ARHGAP32: variants seen among roughly 807,000 people sequenced by gnomAD.
ARHGAP32 encodes Rho GTPase activating protein 32.
ARHGAP32 carries 51 observed loss-of-function variants against 186.5 expected under a neutral mutation model. That is an observed-to-expected ratio of 0.27 (90% CI 0.22 to 0.35). The LOEUF (loss-of-function observed/expected upper bound fraction) is 0.35, where lower values mean the gene tolerates loss of function less well. Among genes scored for constraint, ARHGAP32 ranks in the 10% least tolerant of loss-of-function variants. ARHGAP32 has a pLI of 1.00. For synonymous variants in ARHGAP32, 950 were observed against 964.3 expected, an observed-to-expected ratio of 0.99 and a Z score of 0.27; for missense variants, 2,186 against 2,623.5, an observed-to-expected ratio of 0.83 and a Z score of 3.64.
intron 11 of ARHGAP32, among the ~76,000 whole-genome samples, chr11:128,999,439 C>T (rs996689181): frequency 6.6e-6 from 1 of 152,136 alleles, no homozygotes; most frequent in African/African-American, 2.4e-5. Context: ...CTAATTTCGC[C>T]CTGGTCCTGT....
At chr11:129,133,074 CG>C (rs1445560163) in intron 2 of ARHGAP32, among the ~76,000 whole-genome samples, 2 of 151,896 alleles carry the variant, frequency 1.3e-5, no homozygotes, top group African/African-American at 4.8e-5. Flanking sequence ...ACAATCACAG[CG>C]GAAGGCAAAG....
intron 2 of ARHGAP32, among the ~76,000 whole-genome samples, chr11:129,129,675 A>T (rs979019011): frequency 3.3e-5 from 5 of 151,852 alleles, no homozygotes; most frequent in African/African-American, 7.3e-5. Flanking sequence ...AGACTCCAAA[A>T]ATATATATAT....
chr11:129,014,981 G>A (rs1938264155), intron 11 of ARHGAP32, among the ~76,000 whole-genome samples: 3 of 152,090 alleles, frequency 2.0e-5, no homozygotes, highest in Non-Finnish European at 4.4e-5. Context: ...TTTATTTAAA[G>A]CACGACAATA....
At chr11:129,163,298 G>A (rs1157909175) in intron 2 of ARHGAP32, among the ~76,000 whole-genome samples, 1 of 152,096 alleles carries the variant, frequency 6.6e-6, no homozygotes, top group East Asian at 1.9e-4. Context: ...CTTAACCACA[G>A]TTAAGTAAAA....
At chr11:129,089,012 A>G (rs2135254548) in intron 6 of ARHGAP32, among the ~76,000 whole-genome samples, 1 of 152,050 alleles carries the variant, frequency 6.6e-6, no homozygotes, top group African/African-American at 2.4e-5. Context: ...AAAAAAAAAA[A>G]AAAAAAGAGC....
chr11:129,034,172 TG>T (rs1181203427), intron 11 of ARHGAP32, among the ~76,000 whole-genome samples: 1 of 152,212 alleles, frequency 6.6e-6, no homozygotes, highest in Non-Finnish European at 1.5e-5. Context: ...CTCCAATTTT[TG>T]TTCCCCTAGC....
At chr11:129,119,311 T>TA (rs1292927831) in intron 5 of ARHGAP32, among the ~76,000 whole-genome samples, 1 of 152,062 alleles carries the variant, frequency 6.6e-6, no homozygotes, top group African/African-American at 2.4e-5. Context: ...TTATCTCTCC[T>TA]ATACTACACA....
chr11:129,230,589 TG>T (rs1944845102), intron 1 of ARHGAP32, among the ~76,000 whole-genome samples: 1 of 149,814 alleles, frequency 6.7e-6, no homozygotes, highest in East Asian at 1.9e-4. Flanking sequence ...GTATAGGCAT[TG>T]TGTCTTCTCC....
intron 1 of ARHGAP32, among the ~76,000 whole-genome samples, chr11:129,199,774 C>T (rs535142241): frequency 1.3e-5 from 2 of 152,330 alleles, no homozygotes; most frequent in South Asian, 2.1e-4. Context: ...AGAAGAGGAC[C>T]ACCGTCCTCC....
chr11:129,161,626 A>T (rs949598442), intron 2 of ARHGAP32, among the ~76,000 whole-genome samples: 1 of 152,186 alleles, frequency 6.6e-6, no homozygotes, highest in Non-Finnish European at 1.5e-5. Flanking sequence ...TAGAATGGTG[A>T]TCATTAAAGT....
chr11:129,278,726 G>C (rs1297511696), intron 1 of ARHGAP32, among the ~76,000 whole-genome samples: 1 of 151,646 alleles, frequency 6.6e-6, no homozygotes, highest in African/African-American at 2.4e-5. Flanking sequence ...GGCGGGACCC[G>C]CGATGTCGCC....
chr11:129,247,239 T>C (rs886811805), intron 1 of ARHGAP32, among the ~76,000 whole-genome samples: 2 of 143,696 alleles, frequency 1.4e-5, no homozygotes, highest in African/African-American at 2.5e-5. Context: ...TCTGTTTACA[T>C]GCTAAAAGTA....
intron 11 of ARHGAP32, among the ~76,000 whole-genome samples, chr11:129,014,991 ATATC>A (rs1591533360): frequency 1.3e-5 from 2 of 152,328 alleles, no homozygotes; most frequent in African/African-American, 2.4e-5. Context: ...GCACGACAAT[ATATC>A]TATTCACGCT....
In ARHGAP32 at chr11:128,973,448, GA is replaced by G. The variant is rs746852402; in HGVS notation, c.3074-17del. ...GTAACTGCTCCTAGTGGGAAATTGG[GA>G]AAAAAAATGAGAGTGAAAAGGTAGC... On this transcript the variant is annotated splice_polypyrimidine_tract_variant and intron_variant, in intron 21 of 22. Transcript: ENST00000682385. 13 of 1,599,446 alleles carry G rather than the reference GA, an allele frequency of 8.1e-6. No homozygotes were observed. The highest frequency in any genetic ancestry group is 1.1e-5 in the Non-Finnish European group (13 of 1,173,752).
intron 1 of ARHGAP32, among the ~76,000 whole-genome samples, chr11:129,246,373 A>G (rs2135678490): frequency 6.6e-6 from 1 of 152,328 alleles, no homozygotes; most frequent in South Asian, 2.1e-4. Context: ...GGATAACACA[A>G]TCTATAAAAG....
At chr11:129,084,624 C>T (rs1442153146) in intron 6 of ARHGAP32, among the ~76,000 whole-genome samples, 2 of 152,082 alleles carry the variant, frequency 1.3e-5, no homozygotes, top group African/African-American at 4.8e-5. Context: ...TCATAAAAAA[C>T]TCTCAGCAAA....
At chr11:128,985,144 G>A (rs1156259256) in intron 15 of ARHGAP32, among the ~76,000 whole-genome samples, 4 of 151,982 alleles carry the variant, frequency 2.6e-5, no homozygotes, top group African/African-American at 7.3e-5. Context: ...CTCAGCCCCC[G>A]AGTAGCTGGG....
At chr11:129,026,018 G>A (rs1296078956) in intron 11 of ARHGAP32, among the ~76,000 whole-genome samples, 2 of 151,704 alleles carry the variant, frequency 1.3e-5, no homozygotes, top group Non-Finnish European at 2.9e-5. Context: ...GCCTGTGTGT[G>A]GGAGATTAAT....
At chr11:129,193,581 T>TTATATAATATATGTTATATATAA (rs1944324287), upstream of ARHGAP32, among the ~76,000 whole-genome samples, 1 of 55,796 alleles carries the variant, frequency 1.8e-5, no homozygotes, top group Non-Finnish European at 3.1e-5. Flanking sequence ...TATATATATA[T>TTATATAATATATGTTATATATAA]TATATAATAT....
Sources: gnomAD v4.1 joint callset for allele counts (sites outside exome capture counted in the v4.1 genomes callset) on GRCh38, gnomAD v4.1.1 for gene constraint, MANE v1.5 for transcripts, NCBI Gene and HGNC (gene_info 2026-07-23, HGNC 2026-07-21) for gene names.